CNTN5: variants seen among roughly 807,000 people sequenced by gnomAD.
CNTN5 encodes the protein contactin 5, also known as contactin-5.
A neutral mutation model predicts 129.1 loss-of-function variants in CNTN5; 77 were observed. The ratio of observed to expected loss-of-function variants is 0.60; its 90% CI spans 0.50 to 0.72. The LOEUF (loss-of-function observed/expected upper bound fraction) is 0.72. Ranked by LOEUF, CNTN5 falls within the 30% of genes least tolerant of loss-of-function variation. The probability of loss-of-function intolerance (pLI) is 0.00; values close to 1 mark genes in which losing one functional copy is unlikely to be tolerated. For synonymous variants in CNTN5, 509 were observed against 465.6 expected, an observed-to-expected ratio of 1.09 and a Z score of -1.20; for missense variants, 1,478 against 1,328.8, an observed-to-expected ratio of 1.11 and a Z score of -1.75.
intron 6 of CNTN5, among the ~76,000 whole-genome samples, chr11:99,914,072 C>T (rs370530278): frequency 8.6e-5 from 13 of 151,958 alleles, no homozygotes; most frequent in South Asian, 4.1e-4. Context: ...TCTGTCTCTA[C>T]GAAGAATTTG....
chr11:100,302,225 A>G (rs1951238544), intron 20 of CNTN5, among the ~76,000 whole-genome samples: 1 of 151,576 alleles, frequency 6.6e-6, no homozygotes, highest in Non-Finnish European at 1.5e-5. Context: ...AAATTAAACC[A>G]TTTTAAAAAA....
At chr11:99,846,125 CATAG>C (rs1389155825) in intron 6 of CNTN5, among the ~76,000 whole-genome samples, 11 of 83,364 alleles carry the variant, frequency 1.3e-4, no homozygotes, top group African/African-American at 5.1e-4. Context: ...GCTATACGGA[CATAG>C]ACACACACAC....
intron 1 of CNTN5, among the ~76,000 whole-genome samples, chr11:99,143,443 A>C (rs907888432): frequency 6.6e-6 from 1 of 150,560 alleles, no homozygotes; most frequent in East Asian, 1.9e-4. Flanking sequence ...ATAAAATGGC[A>C]GATCAACAAA....
intron 1 of CNTN5, among the ~76,000 whole-genome samples, chr11:99,267,352 G>T (rs1010158791): frequency 1.3e-5 from 2 of 151,932 alleles, no homozygotes; most frequent in African/African-American, 4.8e-5. Flanking sequence ...TATGGAAAAT[G>T]GAATGATGAA....
At chr11:100,220,820 A>G (rs943602517) in intron 15 of CNTN5, among the ~76,000 whole-genome samples, 2 of 151,812 alleles carry the variant, frequency 1.3e-5, no homozygotes, top group African/African-American at 4.8e-5. Context: ...ACCCACATAT[A>G]CTCTTGAGGT....
intron 13 of CNTN5, among the ~76,000 whole-genome samples, chr11:100,116,508 GAA>G (rs1006213269): frequency 1.5e-5 from 2 of 133,926 alleles, no homozygotes; most frequent in African/African-American, 5.4e-5. Flanking sequence ...GAGGGAATTA[GAA>G]AAAAAAAAAG....
At chr11:99,536,445 C>T (rs779308774) in intron 2 of CNTN5, among the ~76,000 whole-genome samples, 23 of 151,832 alleles carry the variant, frequency 1.5e-4, no homozygotes, top group African/African-American at 2.9e-4. Flanking sequence ...TCTTAAAAAC[C>T]GACTGGTTAA....
At chr11:100,165,664 A>G (rs1197112207) in intron 13 of CNTN5, among the ~76,000 whole-genome samples, 1 of 151,756 alleles carries the variant, frequency 6.6e-6, no homozygotes, top group African/African-American at 2.4e-5. Flanking sequence ...CACATAACCA[A>G]AATAATTACT....
At chr11:99,789,326 G>T (rs1331404198) in intron 3 of CNTN5, among the ~76,000 whole-genome samples, 1 of 151,916 alleles carries the variant, frequency 6.6e-6, no homozygotes, top group East Asian at 1.9e-4. Flanking sequence ...ACAGATTAGA[G>T]AGATTAAGTA....
chr11:99,163,121 A>G (rs1860698313), intron 1 of CNTN5, among the ~76,000 whole-genome samples: 1 of 152,186 alleles, frequency 6.6e-6, no homozygotes, highest in Non-Finnish European at 1.5e-5. Context: ...AGGTTGTTCA[A>G]CAGTTTTTAT....
chr11:99,853,249 C>G (rs931581636), intron 6 of CNTN5, among the ~76,000 whole-genome samples: 2 of 151,972 alleles, frequency 1.3e-5, no homozygotes, highest in African/African-American at 4.8e-5. Context: ...ACACCAAGTG[C>G]TAAATGTTGC....
intron 2 of CNTN5, among the ~76,000 whole-genome samples, chr11:99,450,211 G>C (rs1323211716): frequency 6.6e-6 from 1 of 151,142 alleles, no homozygotes; most frequent in East Asian, 1.9e-4. Context: ...AAGAAACTCA[G>C]AGAATAAATA....
At chr11:99,581,043 G>A (rs757939855) in intron 3 of CNTN5, among the ~76,000 whole-genome samples, 1,593 of 146,890 alleles carry the variant, frequency 0.011, 4 homozygotes, top group Non-Finnish European at 0.018. Context: ...CTTTGTTCTC[G>A]TTGGTTTCAA....
intron 1 of CNTN5, among the ~76,000 whole-genome samples, chr11:99,119,052 T>C (rs1475120723): frequency 6.6e-6 from 1 of 152,102 alleles, no homozygotes; most frequent in Non-Finnish European, 1.5e-5. Context: ...GGCCTCACAA[T>C]GAAAATTTTC....
At chr11:99,863,957 C>A (rs1327879664) in intron 6 of CNTN5, among the ~76,000 whole-genome samples, 1 of 151,998 alleles carries the variant, frequency 6.6e-6, no homozygotes, top group Non-Finnish European at 1.5e-5. Context: ...GTTTTCTTAT[C>A]CGTAATTGAG....
intron 3 of CNTN5, among the ~76,000 whole-genome samples, chr11:99,783,970 TA>T (rs77183573): frequency 0.014 from 2,084 of 147,320 alleles, 102 homozygotes; most frequent in East Asian, 0.14. Flanking sequence ...TAAAGTATAA[TA>T]AAAAAAAAAG....
rs372268612 is a variant in CNTN5, at chr11:99,830,070, G to A, written c.277+10305G>A. 3.9e-5 allele frequency among the ~76,000 whole-genome samples: 6 copies of A among 152,052 alleles called. No individual in the cohort carries two copies. In the East Asian group the frequency reaches 1.2e-3, roughly 29 times the overall value. On this transcript the variant is annotated intron_variant, in intron 4 of 24. Coordinates refer to ENST00000524871, the MANE Select transcript of CNTN5 (RefSeq NM_014361.4). ...TAGGTTAAGATATTTTATTTTTGCA[G>A]AGAGGCAGTCTGGATTAGGAGTGAT... is the stretch of plus-strand genomic sequence containing the variant.
At chr11:99,480,354 C>T (rs745628831) in intron 2 of CNTN5, among the ~76,000 whole-genome samples, 11 of 152,066 alleles carry the variant, frequency 7.2e-5, no homozygotes, top group South Asian at 2.1e-4. Context: ...GCTCTGGTGT[C>T]GGACAGCTGT....
chr11:99,685,923 C>T (rs956439958), intron 3 of CNTN5, among the ~76,000 whole-genome samples: 20 of 151,708 alleles, frequency 1.3e-4, no homozygotes, highest in African/African-American at 4.8e-4. Context: ...TAATAATTAC[C>T]TCTATTCCCA....
Sources: allele counts gnomAD v4.1 joint callset (sites outside exome capture counted in the v4.1 genomes callset), GRCh38; gene constraint gnomAD v4.1.1; transcripts MANE v1.5; gene names NCBI Gene and HGNC (gene_info 2026-07-23, HGNC 2026-07-21).